The following DNAH7 variants were observed in gnomAD, a reference collection of about 807,000 sequenced individuals.
DNAH7 encodes the protein dynein axonemal heavy chain 7.
Under a neutral mutation model 444.6 loss-of-function variants are expected in DNAH7, and 397 were observed. The ratio of observed to expected loss-of-function variants is 0.89; its 90% CI spans 0.82 to 0.97. DNAH7 has a LOEUF of 0.97. Ranked by LOEUF, DNAH7 falls within the 50% of genes least tolerant of loss-of-function variation. The probability of loss-of-function intolerance (pLI) is 0.00; values close to 1 mark genes in which losing one functional copy is unlikely to be tolerated. For missense variants in DNAH7, 4,902 were observed against 4,800.8 expected (o/e 1.02, Z -0.62); for synonymous variants, 1,636 against 1,624.4 (o/e 1.01, Z -0.17).
At chr2:195,857,853 G>T in intron 43 of DNAH7, 130 bp from the exon 44 acceptor site, 3 of 779,842 alleles carry the variant, frequency 3.8e-6, no homozygotes. Context: ...GACAGTAATA[G>T]AACTGCACTT....
chr2:195,931,296 G>C (rs957238882), intron 21 of DNAH7, among the ~76,000 whole-genome samples: 4 of 152,252 alleles, frequency 2.6e-5, no homozygotes, highest in Admixed American at 1.3e-4. Context: ...AAATTTGTTT[G>C]AGTTCATTGT....
chr2:196,021,304 G>A (rs753807776), intron 8 of DNAH7, among the ~76,000 whole-genome samples: 1 of 152,056 alleles, frequency 6.6e-6, no homozygotes, highest in African/African-American at 2.4e-5. Flanking sequence ...ACTCATAAAT[G>A]TAACGTTAGG....
intron 63 of DNAH7, among the ~76,000 whole-genome samples, chr2:195,752,709 T>G (rs2020428): frequency 0.28 from 42,824 of 151,570 alleles, 6,217 homozygotes; most frequent in Middle Eastern, 0.43. Context: ...GAGAGGGAGA[T>G]GTACTGGAAA....
intron 9 of DNAH7, among the ~76,000 whole-genome samples, chr2:196,014,998 C>A (rs888905459): frequency 1.3e-5 from 2 of 152,032 alleles, no homozygotes; most frequent in Non-Finnish European, 2.9e-5. Context: ...TGTTTCCAGT[C>A]TCTTATAAAC....
intron 19 of DNAH7, among the ~76,000 whole-genome samples, chr2:195,955,551 A>T (rs973001685): frequency 6.6e-6 from 1 of 151,962 alleles, no homozygotes; most frequent in African/African-American, 2.4e-5. Context: ...CCCCAACAGA[A>T]AATACCTATT....
At chr2:196,013,624 AT>A in intron 9 of DNAH7, among the ~76,000 whole-genome samples, 1 of 152,242 alleles carries the variant, frequency 6.6e-6, no homozygotes, top group Non-Finnish European at 1.5e-5. Flanking sequence ...ATTTCCTTAT[AT>A]TTCTTCCACA....
Position 195,890,789 on chromosome 2 carries a change from C to A in DNAH7, c.5046+866G>T, listed in dbSNP as rs146163586. ...CAATAAGAGCAGAGCTGAGATTTCA[C>A]GTTTTATCCATTATTACCTGACTCA... On this transcript the variant is annotated intron_variant, in intron 31 of 64. Transcript: ENST00000312428. Among the ~76,000 whole-genome samples the A allele has an allele frequency of 5.2e-4, 79 of 152,298 alleles. 1 individual carries two copies. In the East Asian group the frequency reaches 0.015, roughly 28 times the overall value.
intron 9 of DNAH7, among the ~76,000 whole-genome samples, chr2:196,015,349 T>C (rs1304957016): frequency 1.3e-5 from 2 of 152,192 alleles, no homozygotes; most frequent in Non-Finnish European, 2.9e-5. Context: ...GGTAAATCAA[T>C]TATAGTGTTC....
At chr2:195,926,893 T>A (rs145397704) in intron 21 of DNAH7, among the ~76,000 whole-genome samples, 315 of 152,098 alleles carry the variant, frequency 2.1e-3, no homozygotes, top group African/African-American at 6.9e-3. Flanking sequence ...ATGAGCAATT[T>A]TACTGCAAAA....
intron 12 of DNAH7, among the ~76,000 whole-genome samples, chr2:195,988,912 T>A (rs1187739416): frequency 6.6e-6 from 1 of 152,124 alleles, no homozygotes; most frequent in Admixed American, 6.6e-5. Flanking sequence ...TTTTTCAGAT[T>A]CAACATATAA....
chr2:196,032,397 A>G (rs1696114369), intron 5 of DNAH7, among the ~76,000 whole-genome samples: 1 of 152,218 alleles, frequency 6.6e-6, no homozygotes, highest in South Asian at 2.1e-4. Flanking sequence ...TACAGGAAGG[A>G]AAACAATCTG....
At chr2:195,937,794 A>G (rs945603456) in intron 19 of DNAH7, among the ~76,000 whole-genome samples, 15 of 152,154 alleles carry the variant, frequency 9.9e-5, no homozygotes, top group African/African-American at 3.6e-4. Flanking sequence ...ATGTAAGGAA[A>G]GTTCTTTACT....
intron 19 of DNAH7, among the ~76,000 whole-genome samples, chr2:195,955,657 G>A (rs1690597191): frequency 6.6e-6 from 1 of 152,086 alleles, no homozygotes. Flanking sequence ...CAACACAGCT[G>A]CCCTTTCAAG....
At chr2:195,956,417 G>A (rs1012413802) in intron 19 of DNAH7, among the ~76,000 whole-genome samples, 3 of 152,290 alleles carry the variant, frequency 2.0e-5, no homozygotes, top group African/African-American at 4.8e-5. Flanking sequence ...TTGGGAGGCC[G>A]AGGCGGGTGG....
In DNAH7 at chr2:196,027,969, T is replaced by C. The variant is rs2096912558; in HGVS notation, c.477A>G (p.Lys159=). Residue 159 remains lysine, a synonymous_variant, in exon 6 of 65, where the codon AAA becomes AAG. Coordinates refer to ENST00000312428, the MANE Select transcript of DNAH7 (RefSeq NM_018897.3). ...IPKPTASAIE[K]DILRYYYYIH... ...ACAAATGGCCAGTTACCAAGATGTC[T>C]TTCTCTATAGCAGAAGCGGTCGGTT... 1 of 1,611,870 alleles carries C rather than the reference T, an allele frequency of 6.2e-7. No individual in the cohort carries two copies. The highest frequency in any genetic ancestry group is 1.1e-5 in the South Asian group (1 of 90,718).
chr2:195,771,614 C>T, intron 61 of DNAH7, 46 bp downstream of exon 61: 3 of 1,353,984 alleles, frequency 2.2e-6, no homozygotes, highest in Non-Finnish European at 3.2e-6. Flanking sequence ...TAAATGAATG[C>T]TATATATAAT....
chr2:195,950,652 TC>T, intron 19 of DNAH7, among the ~76,000 whole-genome samples: 1 of 151,754 alleles, frequency 6.6e-6, no homozygotes, highest in East Asian at 1.9e-4. Flanking sequence ...ATCGAAACCA[TC>T]CTGGCTAACA....
chr2:195,957,168 A>C lies in DNAH7; in HGVS notation c.3078+93T>G, dbSNP rs1017941587. 7 of 1,088,874 alleles carry C rather than the reference A, an allele frequency of 6.4e-6. No homozygotes were observed. The African/African-American group carries it at 8.0e-5, about 12-fold the overall frequency. The allele number at this position is 1,088,874 out of a possible 1,614,324, so 67.5% of individuals were successfully genotyped here. On this transcript the variant is annotated intron_variant, in intron 19 of 64. Coordinates refer to ENST00000312428, the MANE Select transcript of DNAH7 (RefSeq NM_018897.3). ...GTATGTATGAAACAGATAATGGCTTATTGGAAACAATAATGGCTTATATGG... is the reference window on the plus strand; with the variant it reads ...GTATGTATGAAACAGATAATGGCTTCTTGGAAACAATAATGGCTTATATGG...
At position 195,775,957 on chromosome 2, in the gene DNAH7, C is replaced by A; in HGVS notation, c.11091G>T (p.Lys3697Asn). ...GDHKSYIEYT[K>N]TLPLTPAPEI... ...CTGGTGCTGGGGTCAGTGGCAGAGT[C>A]TTTGTGTATTCGATGTAGCTTTTGT... Residue 3697 changes from lysine to asparagine, a missense_variant, in exon 60 of 65, where the codon AAG becomes AAT. Lys to Asn is a moderately conservative substitution (Grantham distance 94, BLOSUM62 0). Transcript: ENST00000312428. 1 of 1,614,166 alleles carries A rather than the reference C, an allele frequency of 6.2e-7. No homozygotes were observed. The highest frequency in any genetic ancestry group is 1.7e-4 in the Middle Eastern group (1 of 6,034).
Sources: gnomAD v4.1 joint callset for allele counts (sites outside exome capture counted in the v4.1 genomes callset) on GRCh38, gnomAD v4.1.1 for gene constraint, MANE v1.5 for transcripts, NCBI Gene and HGNC (gene_info 2026-07-23, HGNC 2026-07-21) for gene names.